NTRK2: variants seen among roughly 807,000 people sequenced by gnomAD.
NTRK2 encodes neurotrophic receptor tyrosine kinase 2.
A neutral mutation model predicts 94.5 loss-of-function variants in NTRK2; 13 were observed. That is an observed-to-expected ratio of 0.14 (90% CI 0.09 to 0.22). The LOEUF is 0.22. NTRK2 is among the 10% of genes least tolerant of loss of function. The pLI, the probability that NTRK2 is intolerant of heterozygous loss-of-function variation, is 1.00. For synonymous variants in NTRK2, 372 were observed against 407.4 expected (o/e 0.91, Z 1.05); for missense variants, 639 against 1,071.2 (o/e 0.60, Z 5.63).
chr9:84,985,845 T>C (rs963407570), intron 17 of NTRK2, among the ~76,000 whole-genome samples: 1 of 152,204 alleles, frequency 6.6e-6, no homozygotes, highest in African/African-American at 2.4e-5. Context: ...GAAGTAGGAC[T>C]GTTAGGTGTT....
chr9:84,952,380 G>A (rs147247765), intron 16 of NTRK2, among the ~76,000 whole-genome samples: 87 of 152,362 alleles, frequency 5.7e-4, no homozygotes, highest in African/African-American at 2.0e-3. Flanking sequence ...GAACTGGACA[G>A]CTAAGTCAGG....
At chr9:84,791,772 T>C (rs2068760940) in intron 12 of NTRK2, among the ~76,000 whole-genome samples, 1 of 152,212 alleles carries the variant, frequency 6.6e-6, no homozygotes, top group African/African-American at 2.4e-5. Context: ...CATAGTTTAG[T>C]GAGAAAGACT....
chr9:84,934,373 G>A (rs759180857), intron 15 of NTRK2, 81 bp downstream of exon 15: 2 of 1,500,516 alleles, frequency 1.3e-6, no homozygotes, highest in Non-Finnish European at 1.8e-6. Context: ...TTATATTTTG[G>A]TGGCCAATGC....
Position 84,886,926 on chromosome 9 carries a change from G to A in NTRK2, c.1633+19495G>A, listed in dbSNP as rs889390536. On this transcript the variant is annotated intron_variant, in intron 14 of 18. Transcript: ENST00000277120. The stretch of plus-strand genomic sequence containing the variant: ...TCTGTATGAAAGGAGCAGTGAATGG[G>A]TGTAATTAGTCAGGCTGATGAAGGA... Among the ~76,000 whole-genome samples the A allele has an allele frequency of 2.6e-5, 4 of 152,208 alleles. 1 individual carries two copies. In the South Asian group the frequency reaches 8.3e-4, roughly 32 times the overall value.
intron 17 of NTRK2, among the ~76,000 whole-genome samples, chr9:84,958,708 A>G (rs761615707): frequency 6.6e-6 from 1 of 152,238 alleles, no homozygotes; most frequent in Non-Finnish European, 1.5e-5. Flanking sequence ...GATGGATGCA[A>G]AACCTGACAA....
intron 13 of NTRK2, 103 bp from the exon 14 acceptor site, chr9:84,867,140 C>T (rs2075630985): frequency 9.1e-7 from 1 of 1,104,964 alleles, no homozygotes; most frequent in Non-Finnish European, 1.3e-6. Context: ...TATACTAAAA[C>T]CCACTGAATT....
intron 17 of NTRK2, among the ~76,000 whole-genome samples, chr9:84,983,966 C>T (rs1178482905): frequency 6.6e-6 from 1 of 152,196 alleles, no homozygotes; most frequent in Non-Finnish European, 1.5e-5. Flanking sequence ...ATTTCAGTTT[C>T]AGTTTCCTCC....
At chr9:84,923,846 A>C (rs1463620297) in intron 14 of NTRK2, among the ~76,000 whole-genome samples, 1 of 151,930 alleles carries the variant, frequency 6.6e-6, no homozygotes, top group Non-Finnish European at 1.5e-5. Flanking sequence ...GTCGCAGTGA[A>C]CTGAGATCGC....
At chr9:84,934,856 A>T (rs1357043410) in intron 15 of NTRK2, among the ~76,000 whole-genome samples, 2 of 152,122 alleles carry the variant, frequency 1.3e-5, no homozygotes, top group Non-Finnish European at 2.9e-5. Flanking sequence ...ACCCAAGGAG[A>T]CATAGTGGTT....
chr9:85,010,588 A>T (rs1228945954), intron 17 of NTRK2, among the ~76,000 whole-genome samples: 1 of 152,200 alleles, frequency 6.6e-6, no homozygotes, highest in Non-Finnish European at 1.5e-5. Flanking sequence ...GTACTTTCTG[A>T]GGGTTTCATT....
chr9:84,941,373 T>C (rs1338579036), intron 15 of NTRK2, among the ~76,000 whole-genome samples: 5 of 152,232 alleles, frequency 3.3e-5, no homozygotes, highest in African/African-American at 1.2e-4. Context: ...GGGTCAGGGA[T>C]CTGTTTTTTG....
At chr9:84,808,453 G>C (rs2071379746) in intron 12 of NTRK2, among the ~76,000 whole-genome samples, 1 of 152,150 alleles carries the variant, frequency 6.6e-6, no homozygotes, top group Non-Finnish European at 1.5e-5. Flanking sequence ...CTATCACTAA[G>C]TTTCTCCTGT....
intron 15 of NTRK2, among the ~76,000 whole-genome samples, chr9:84,947,627 C>T (rs1316220333): frequency 6.6e-6 from 1 of 152,216 alleles, no homozygotes; most frequent in African/African-American, 2.4e-5. Context: ...CTGATTCATT[C>T]AGGACAGTGG....
chr9:84,753,845 G>T (rs572045675), intron 12 of NTRK2, among the ~76,000 whole-genome samples: 2 of 152,274 alleles, frequency 1.3e-5, no homozygotes, highest in Admixed American at 6.5e-5. Context: ...GAGCTTTTTG[G>T]AGAGAGGATA....
chr9:84,880,797 A>T (rs1281013923), intron 14 of NTRK2, among the ~76,000 whole-genome samples: 1 of 152,238 alleles, frequency 6.6e-6, no homozygotes, highest in African/African-American at 2.4e-5. Flanking sequence ...GATGAGTTAG[A>T]ACGGCAAGGT....
At chr9:84,693,351 G>C (rs2060170342) in intron 2 of NTRK2, among the ~76,000 whole-genome samples, 1 of 152,100 alleles carries the variant, frequency 6.6e-6, no homozygotes, top group Non-Finnish European at 1.5e-5. Flanking sequence ...TTATGAGAAA[G>C]AAAATGTTAA....
At chr9:85,011,958 A>ATTATTTTACT (rs1831629949) in intron 17 of NTRK2, among the ~76,000 whole-genome samples, 1 of 131,676 alleles carries the variant, frequency 7.6e-6, no homozygotes, top group African/African-American at 2.9e-5. Flanking sequence ...TATGTAGAGC[A>ATTATTTTACT]TTATTTTATT....
At chr9:84,958,245 G>A (rs896906582) in intron 17 of NTRK2, among the ~76,000 whole-genome samples, 3 of 151,628 alleles carry the variant, frequency 2.0e-5, no homozygotes, top group African/African-American at 7.3e-5. Flanking sequence ...TAAATATTTT[G>A]GTACCTGAAT....
intron 10 of NTRK2, among the ~76,000 whole-genome samples, chr9:84,742,276 A>G (rs1452797916): frequency 6.6e-6 from 1 of 152,190 alleles, no homozygotes; most frequent in Non-Finnish European, 1.5e-5. Context: ...TATGACAGTA[A>G]AGCCAATTCA....
Sources: allele counts gnomAD v4.1 joint callset (sites outside exome capture counted in the v4.1 genomes callset), GRCh38; gene constraint gnomAD v4.1.1; transcripts MANE v1.5; gene names NCBI Gene and HGNC (gene_info 2026-07-23, HGNC 2026-07-21).